Variants in JAKMIP3 observed in about 807,000 individuals in gnomAD.
JAKMIP3 encodes Janus kinase and microtubule interacting protein 3.
A neutral mutation model predicts 118.5 loss-of-function variants in JAKMIP3; 58 were observed. The observed-to-expected ratio is 0.49, with a 90% CI of 0.40 to 0.61. The LOEUF is 0.61. Ranked by LOEUF, JAKMIP3 falls within the 20% of genes least tolerant of loss-of-function variation. The pLI is 0.00. For missense variants in JAKMIP3, 950 were observed against 1,109.0 expected, an observed-to-expected ratio of 0.86 and a Z score of 2.04; for synonymous variants, 486 against 451.2, an observed-to-expected ratio of 1.08 and a Z score of -0.98.
chr10:132,139,538 C>G (rs1328052066), intron 9 of JAKMIP3, among the ~76,000 whole-genome samples: 1 of 124,460 alleles, frequency 8.0e-6, no homozygotes, highest in Non-Finnish European at 1.6e-5. Context: ...GGCTTGTAAG[C>G]TGTCAGCAGT....
chr10:132,089,672 C>T (rs2042868877), intron 1 of JAKMIP3, among the ~76,000 whole-genome samples: 1 of 152,272 alleles, frequency 6.6e-6, no homozygotes, highest in East Asian at 1.9e-4. Context: ...AATTTGACTT[C>T]CTCTTTTCCT....
intron 13 of JAKMIP3, among the ~76,000 whole-genome samples, chr10:132,147,530 C>T (rs950768742): frequency 3.3e-5 from 5 of 152,232 alleles, no homozygotes; most frequent in Admixed American, 2.6e-4. Flanking sequence ...CACCCGGGAG[C>T]CACCTGGGAC....
upstream of JAKMIP3, among the ~76,000 whole-genome samples, chr10:132,064,867 G>T (rs766336682): frequency 6.6e-6 from 1 of 152,180 alleles, no homozygotes; most frequent in Non-Finnish European, 1.5e-5. The surrounding 1 kb of genome is among the most constrained non-coding windows in gnomAD (Gnocchi z 4.4). Context: ...GGCTCCTCTC[G>T]GGGTGATGCC....
intron 1 of JAKMIP3, among the ~76,000 whole-genome samples, chr10:132,072,993 C>T (rs2040212426): frequency 6.6e-6 from 1 of 152,062 alleles, no homozygotes; most frequent in Non-Finnish European, 1.5e-5. Context: ...CTTGTGAGAA[C>T]GTGTATTTAT....
intron 16 of JAKMIP3, among the ~76,000 whole-genome samples, chr10:132,151,240 A>G (rs1016024085): frequency 2.6e-5 from 4 of 151,812 alleles, no homozygotes; most frequent in African/African-American, 9.7e-5. Flanking sequence ...TCCATAAGCT[A>G]TTTATCCATC....
At chr10:132,086,486 T>C (rs1282735909) in intron 1 of JAKMIP3, among the ~76,000 whole-genome samples, 3 of 152,216 alleles carry the variant, frequency 2.0e-5, no homozygotes, top group Non-Finnish European at 4.4e-5. Flanking sequence ...ATTGTGTTGC[T>C]GTCTATTTCT....
chr10:132,047,631 AC>A (rs528647437), intron 1 of JAKMIP3, among the ~76,000 whole-genome samples: 7 of 93,178 alleles, frequency 7.5e-5, no homozygotes, highest in African/African-American at 1.9e-4. Context: ...CAGGGTCCCC[AC>A]CCCCCCCTGC....
At chr10:132,167,877 GCCCCTCGGCCCTCGCCC>G in intron 22 of JAKMIP3, 59 bp from the exon 23 acceptor site, 2 of 1,049,712 alleles carry the variant, frequency 1.9e-6, no homozygotes, top group African/African-American at 1.9e-5. Context: ...CTCGCCCCTC[GCCCCTCGGCCCTCGCCC>G]CTCACTCCAG....
At chr10:132,069,892 G>A (rs964785759) in intron 1 of JAKMIP3, among the ~76,000 whole-genome samples, 1 of 152,242 alleles carries the variant, frequency 6.6e-6, no homozygotes, top group Non-Finnish European at 1.5e-5. Flanking sequence ...TGTGGGCACT[G>A]ATGGCATAGG....
chr10:132,136,842 G>T (rs1162201494), intron 6 of JAKMIP3, among the ~76,000 whole-genome samples, 177 bp from the exon 7 acceptor site: 15 of 152,200 alleles, frequency 9.9e-5, no homozygotes, highest in Non-Finnish European at 1.5e-5. Context: ...GCCCACATAG[G>T]CCTCATTTCC....
At chr10:132,061,251 C>T (rs1045522104), upstream of JAKMIP3, among the ~76,000 whole-genome samples, 1 of 147,744 alleles carries the variant, frequency 6.8e-6, no homozygotes, top group Admixed American at 6.7e-5. Flanking sequence ...GGCGCACACA[C>T]ACACCTGCCG....
At chr10:132,098,500 C>T (rs2044329877) in intron 1 of JAKMIP3, among the ~76,000 whole-genome samples, 1 of 152,226 alleles carries the variant, frequency 6.6e-6, no homozygotes, top group African/African-American at 2.4e-5. Flanking sequence ...ATGGCACTTC[C>T]TGAGGGCTGT....
intron 1 of JAKMIP3, among the ~76,000 whole-genome samples, chr10:132,102,322 C>T (rs1207148408): frequency 2.6e-5 from 4 of 152,158 alleles, no homozygotes; most frequent in Admixed American, 6.5e-5. Context: ...CCTCTGATGA[C>T]GTCCGCGGGA....
At position 132,182,952 on chromosome 10, in the gene JAKMIP3, A is replaced by C. The variant is rs913907754; in HGVS notation, c.*1699A>C. Reference sequence around the variant, plus strand: ...GCACTTGTCCAAGAAAGACCCATCCATTTCTGTTGTCATTCAAGCCACAGT... The same window carrying C: ...GCACTTGTCCAAGAAAGACCCATCCCTTTCTGTTGTCATTCAAGCCACAGT... On this transcript the variant is annotated 3_prime_UTR_variant, in exon 24 of 24. Coordinates refer to ENST00000684848, the MANE Select transcript of JAKMIP3 (RefSeq NM_001323087.2). The C allele has an allele frequency of 7.2e-5, 11 of 152,064 alleles. No homozygotes were observed. Among genetic ancestry groups the C allele is most frequent in the Non-Finnish European group, 1.6e-4 (11 of 68,026 alleles). 9.4% of individuals were successfully genotyped at this position (152,064 alleles called of 1,614,324 possible).
rs2048049508 is a variant in JAKMIP3 at position 132,118,379 on chromosome 10, G to A, written c.633+805G>A. On this transcript the variant is annotated intron_variant, in intron 3 of 23. Transcript: ENST00000684848. This position sits in a 1 kb window ranked among gnomAD's most constrained non-coding sequence, Gnocchi z 4.8. ...AGAGGAGACTGTCCTGTGATTTTGG[G>A]GGAAATGGAGCTCTGTCTTAGAGGT... Among the ~76,000 whole-genome samples, 1 of 152,192 alleles carries A rather than the reference G, an allele frequency of 6.6e-6. No homozygotes were observed. The highest frequency in any genetic ancestry group is 1.5e-5 in the Non-Finnish European group (1 of 68,032).
intron 1 of JAKMIP3, among the ~76,000 whole-genome samples, chr10:132,080,143 G>A (rs945808301): frequency 4.6e-5 from 7 of 152,174 alleles, no homozygotes; most frequent in African/African-American, 7.2e-5. Context: ...TCATCACTGC[G>A]CTCCAGCCTG....
intron 2 of JAKMIP3, among the ~76,000 whole-genome samples, chr10:132,111,138 T>C (rs1015578764): frequency 6.6e-6 from 1 of 152,174 alleles, no homozygotes; most frequent in Non-Finnish European, 1.5e-5. Context: ...ATCCCAGCTC[T>C]AATGGAGGGG....
intron 23 of JAKMIP3, among the ~76,000 whole-genome samples, chr10:132,180,750 C>CGTGTGT (rs1485012631): frequency 7.9e-5 from 1 of 12,700 alleles, no homozygotes; most frequent in Non-Finnish European, 1.2e-4. Context: ...TGCGTGCGCG[C>CGTGTGT]GCGTGTGTGC....
intron 23 of JAKMIP3, among the ~76,000 whole-genome samples, chr10:132,177,252 C>T (rs142897004): frequency 3.5e-4 from 54 of 152,344 alleles, no homozygotes; most frequent in African/African-American, 8.7e-4. Flanking sequence ...TTAGAGAAGC[C>T]GATTTCAGAA....
Sources: gnomAD v4.1 joint callset for allele counts (sites outside exome capture counted in the v4.1 genomes callset) on GRCh38, gnomAD v4.1.1 for gene constraint, Gnocchi (gnomAD v3.1) non-coding constraint, MANE v1.5 for transcripts, NCBI Gene and HGNC (gene_info 2026-07-23, HGNC 2026-07-21) for gene names.